GRIA4: variants seen among roughly 807,000 people sequenced by gnomAD.
GRIA4 encodes glutamate ionotropic receptor AMPA type subunit 4, also known as glutamate receptor 4.
GRIA4 carries 34 observed loss-of-function variants against 104.0 expected under a neutral mutation model. The observed-to-expected ratio is 0.33, with a 90% confidence interval of 0.25 to 0.44. The LOEUF is 0.44. GRIA4 is among the 20% of genes least tolerant of loss of function. GRIA4 has a pLI of 1.00. For synonymous variants in GRIA4, 386 were observed against 381.9 expected (o/e 1.01, Z -0.13); for missense variants, 750 against 1,096.5 (o/e 0.68, Z 4.46).
At chr11:105,708,888 G>A (rs964119406) in intron 3 of GRIA4, among the ~76,000 whole-genome samples, 6 of 151,978 alleles carry the variant, frequency 3.9e-5, no homozygotes, top group African/African-American at 1.4e-4. Flanking sequence ...AATTTTAGAT[G>A]TTGAAGTAAA....
At chr11:105,834,977 G>C (rs1944122865) in intron 4 of GRIA4, among the ~76,000 whole-genome samples, 1 of 151,908 alleles carries the variant, frequency 6.6e-6, no homozygotes, top group African/African-American at 2.4e-5. Flanking sequence ...TATAAGATCA[G>C]GGAATAAGTA....
At chr11:105,780,089 G>A (rs1251652648) in intron 4 of GRIA4, among the ~76,000 whole-genome samples, 12 of 152,040 alleles carry the variant, frequency 7.9e-5, no homozygotes, top group Admixed American at 7.9e-4. Context: ...TGCTACAGTG[G>A]TCTCCTATGT....
intron 11 of GRIA4, among the ~76,000 whole-genome samples, chr11:105,919,862 A>G (rs1002618869): frequency 3.9e-5 from 6 of 152,194 alleles, no homozygotes; most frequent in Non-Finnish European, 8.8e-5. Flanking sequence ...TTCAAAATGT[A>G]GTCTGATTAA....
chr11:105,758,124 G>A (rs1416761660), intron 4 of GRIA4, among the ~76,000 whole-genome samples: 1 of 152,050 alleles, frequency 6.6e-6, no homozygotes, highest in African/African-American at 2.4e-5. Context: ...TGCACCTGTA[G>A]TCCTGGCTAC....
chr11:105,812,326 C>G (rs1201823622), intron 4 of GRIA4, among the ~76,000 whole-genome samples: 3 of 151,960 alleles, frequency 2.0e-5, no homozygotes, highest in African/African-American at 7.3e-5. Context: ...ATGGGTAAAC[C>G]AGGTTTGGTG....
At chr11:105,717,851 A>C (rs986037644) in intron 3 of GRIA4, among the ~76,000 whole-genome samples, 1 of 134,888 alleles carries the variant, frequency 7.4e-6, no homozygotes, top group Non-Finnish European at 1.6e-5. Flanking sequence ...TCCCAATGCT[A>C]TCCCTCCCCC....
rs1309868802 is a variant in GRIA4, at chr11:105,757,850, C to CAA, written c.487+4631_487+4632dup. The stretch of plus-strand genomic sequence containing the variant: ...CCTACTCCATGGAAATTCAAAAGTC[C>CAA]AACAAACAAATTACAAAATAAGAGT... On this transcript the variant is annotated intron_variant, in intron 4 of 16. Transcript: ENST00000282499. 3.9e-5 allele frequency among the ~76,000 whole-genome samples: 6 copies of CAA among 152,190 alleles called. No individual in the cohort carries two copies. In the East Asian group the frequency reaches 1.2e-3, roughly 29 times the overall value.
intron 3 of GRIA4, among the ~76,000 whole-genome samples, chr11:105,752,776 A>G (rs1234647650): frequency 6.6e-6 from 1 of 152,190 alleles, no homozygotes; most frequent in Non-Finnish European, 1.5e-5. Context: ...AGCTTCACTC[A>G]ATGTAAGCCT....
At chr11:105,850,443 A>G (rs1158147324) in intron 4 of GRIA4, among the ~76,000 whole-genome samples, 1 of 152,166 alleles carries the variant, frequency 6.6e-6, no homozygotes, top group Non-Finnish European at 1.5e-5. Context: ...TCTAGAAGGG[A>G]AGAACTTGGG....
chr11:105,770,354 C>A (rs757749791), intron 4 of GRIA4, among the ~76,000 whole-genome samples: 2 of 152,000 alleles, frequency 1.3e-5, no homozygotes, highest in South Asian at 2.1e-4. Context: ...TGGTCAATAT[C>A]TTTTTCCATT....
intron 4 of GRIA4, among the ~76,000 whole-genome samples, chr11:105,755,094 C>A (rs1419592216): frequency 6.6e-6 from 1 of 152,054 alleles, no homozygotes; most frequent in African/African-American, 2.4e-5. Flanking sequence ...GCATATCCTG[C>A]TATTGCATGC....
At chr11:105,931,205 A>G (rs1245051933) in intron 13 of GRIA4, among the ~76,000 whole-genome samples, 1 of 151,550 alleles carries the variant, frequency 6.6e-6, no homozygotes, top group Non-Finnish European at 1.5e-5. Flanking sequence ...AGGATATAGA[A>G]TCACTGAAAT....
chr11:105,791,795 A>G (rs1942225288), intron 4 of GRIA4, among the ~76,000 whole-genome samples: 1 of 152,230 alleles, frequency 6.6e-6, no homozygotes, highest in East Asian at 1.9e-4. Flanking sequence ...GTCCATTTGA[A>G]GTTAACATTA....
chr11:105,860,131 T>TC (rs1161622806), intron 4 of GRIA4, among the ~76,000 whole-genome samples: 5 of 152,170 alleles, frequency 3.3e-5, no homozygotes, highest in African/African-American at 4.8e-5. Flanking sequence ...ATGCCCTCTT[T>TC]CTTCCTCTTC....
intron 5 of GRIA4, chr11:105,862,442 T>C (rs57375419): frequency 2.6e-6 from 1 of 380,432 alleles, no homozygotes; most frequent in Non-Finnish European, 4.8e-6. Context: ...TTCTTAAGAC[T>C]TGAATGAGTG....
At chr11:105,931,500 C>T (rs1383082102) in intron 13 of GRIA4, among the ~76,000 whole-genome samples, 1 of 151,768 alleles carries the variant, frequency 6.6e-6, no homozygotes, top group Non-Finnish European at 1.5e-5. Context: ...CTCAGGAGTT[C>T]GAGACCAGCC....
At chr11:105,726,618 C>T (rs1591148290) in intron 3 of GRIA4, among the ~76,000 whole-genome samples, 1 of 152,128 alleles carries the variant, frequency 6.6e-6, no homozygotes, top group Non-Finnish European at 1.5e-5. Flanking sequence ...TCAACAGACA[C>T]CTCATACAGG....
intron 3 of GRIA4, among the ~76,000 whole-genome samples, chr11:105,693,468 A>T (rs1173664020): frequency 2.0e-5 from 3 of 152,028 alleles, no homozygotes; most frequent in Non-Finnish European, 4.4e-5. Context: ...ATTTTTTTTT[A>T]AACTCAAGAC....
chr11:105,928,193 AATATC>A (rs1280436308), intron 13 of GRIA4, among the ~76,000 whole-genome samples: 1 of 152,026 alleles, frequency 6.6e-6, no homozygotes, highest in Non-Finnish European at 1.5e-5. Flanking sequence ...ATGTTTACAT[AATATC>A]ATATCAAGAG....
Sources: gnomAD v4.1 joint callset for allele counts (sites outside exome capture counted in the v4.1 genomes callset) on GRCh38, gnomAD v4.1.1 for gene constraint, MANE v1.5 for transcripts, NCBI Gene and HGNC (gene_info 2026-07-23, HGNC 2026-07-21) for gene names.